The following ANAPC10 variants were observed in gnomAD, a reference collection of about 807,000 sequenced individuals.
ANAPC10 encodes anaphase-promoting complex subunit 10.
In ANAPC10, 12 loss-of-function variants were observed where a neutral mutation model predicts 22.0. The observed-to-expected ratio is 0.55, with a 90% CI of 0.35 to 0.88. The LOEUF (loss-of-function observed/expected upper bound fraction) is 0.88. Ranked by LOEUF, ANAPC10 falls within the 40% of genes least tolerant of loss-of-function variation. ANAPC10 has a pLI of 0.01. For missense variants in ANAPC10, 188 were observed against 220.9 expected (o/e 0.85, Z 0.94); for synonymous variants, 65 against 69.5 (o/e 0.94, Z 0.32).
intron 4 of ANAPC10, among the ~76,000 whole-genome samples, chr4:144,996,838 G>GA (rs1731689324): frequency 6.6e-6 from 1 of 152,014 alleles, no homozygotes; most frequent in Non-Finnish European, 1.5e-5. Flanking sequence ...TAAAAACCTT[G>GA]AAAAAAGATT....
intron 4 of ANAPC10, among the ~76,000 whole-genome samples, chr4:145,048,080 T>C (rs1472070238): frequency 6.6e-6 from 1 of 152,200 alleles, no homozygotes; most frequent in Non-Finnish European, 1.5e-5. Flanking sequence ...AGTAGGCTGC[T>C]AGAGTCGAAT....
intron 4 of ANAPC10, among the ~76,000 whole-genome samples, chr4:144,996,404 A>ATGG (rs1731616098): frequency 6.6e-6 from 1 of 152,180 alleles, no homozygotes; most frequent in Non-Finnish European, 1.5e-5. Context: ...ATCTAGAGAC[A>ATGG]CGGCTGCTGC....
chr4:145,076,155 C>T (rs576768634), intron 3 of ANAPC10, among the ~76,000 whole-genome samples: 1 of 152,348 alleles, frequency 6.6e-6, no homozygotes, highest in Admixed American at 6.5e-5. Context: ...TACATTTGCC[C>T]ACAGACTTCC....
intron 4 of ANAPC10, among the ~76,000 whole-genome samples, chr4:145,049,456 A>G (rs1740787083): frequency 1.3e-5 from 2 of 152,326 alleles, no homozygotes; most frequent in South Asian, 4.1e-4. Context: ...TTGTCATTTC[A>G]AGAATGTTCA....
intron 4 of ANAPC10, among the ~76,000 whole-genome samples, chr4:145,041,590 C>T (rs1739527958): frequency 6.6e-6 from 1 of 152,184 alleles, no homozygotes; most frequent in African/African-American, 2.4e-5. Flanking sequence ...TTGGTGCTTT[C>T]ACTTCCCCTT....
At chr4:145,063,193 T>A (rs534371660) in intron 4 of ANAPC10, among the ~76,000 whole-genome samples, 7 of 152,182 alleles carry the variant, frequency 4.6e-5, no homozygotes, top group Non-Finnish European at 1.0e-4. Context: ...GTATGTGAAG[T>A]AATGCATATG....
At chr4:144,998,508 T>C (rs569383060) in intron 4 of ANAPC10, among the ~76,000 whole-genome samples, 44 of 152,292 alleles carry the variant, frequency 2.9e-4, no homozygotes, top group Middle Eastern at 3.4e-3. Context: ...AACCTGCTCC[T>C]GAATGACTAC....
chr4:144,998,625 G>C (rs537847188), intron 4 of ANAPC10, among the ~76,000 whole-genome samples: 4 of 152,140 alleles, frequency 2.6e-5, no homozygotes, highest in Non-Finnish European at 5.9e-5. Flanking sequence ...GCAGTGTGTC[G>C]AGGGAAATTT....
At chr4:145,011,336 A>AAATAAAATAAAATAAAAT (rs1734273300) in intron 4 of ANAPC10, among the ~76,000 whole-genome samples, 2 of 130,140 alleles carry the variant, frequency 1.5e-5, no homozygotes, top group East Asian at 4.5e-4. Flanking sequence ...GACTGTCTTA[A>AAATAAAATAAAATAAAAT]AAAATAAAAT....
At chr4:145,007,412 A>G (rs550400670) in intron 4 of ANAPC10, among the ~76,000 whole-genome samples, 1 of 152,294 alleles carries the variant, frequency 6.6e-6, no homozygotes, top group South Asian at 2.1e-4. Context: ...CAGCAAATGT[A>G]AAAGAACAGA....
chr4:145,087,890 T>TA (rs1560934916), intron 2 of ANAPC10, among the ~76,000 whole-genome samples: 3 of 151,634 alleles, frequency 2.0e-5, no homozygotes, highest in Admixed American at 6.6e-5. Flanking sequence ...AAACTAAAAA[T>TA]AAAAAAAATT....
At chr4:144,999,657 T>G (rs979119898) in intron 4 of ANAPC10, among the ~76,000 whole-genome samples, 1 of 152,164 alleles carries the variant, frequency 6.6e-6, no homozygotes, top group Non-Finnish European at 1.5e-5. Context: ...AATGCTATCC[T>G]CATCAAGCTA....
chr4:145,034,753 C>T (rs570196760), intron 4 of ANAPC10, among the ~76,000 whole-genome samples: 21 of 151,818 alleles, frequency 1.4e-4, no homozygotes, highest in Admixed American at 1.2e-3. Context: ...GGAAGGAAGG[C>T]AGGCTGGGTG....
intron 4 of ANAPC10, among the ~76,000 whole-genome samples, chr4:145,057,170 TAAG>T (rs889931638): frequency 2.4e-4 from 37 of 152,172 alleles, no homozygotes; most frequent in Non-Finnish European, 7.4e-5. Context: ...AATATTATAA[TAAG>T]AAAAGATAGA....
intron 4 of ANAPC10, among the ~76,000 whole-genome samples, chr4:145,023,226 A>C (rs1403714258): frequency 6.6e-5 from 10 of 152,170 alleles, no homozygotes; most frequent in Non-Finnish European, 1.0e-4. Flanking sequence ...GTGAAAAAAA[A>C]CCAACAAATA....
At chr4:145,083,705 T>A (rs548201350) in intron 2 of ANAPC10, among the ~76,000 whole-genome samples, 2 of 152,244 alleles carry the variant, frequency 1.3e-5, no homozygotes, top group African/African-American at 4.8e-5. Context: ...AATAGAATAA[T>A]TGCACTTTTA....
chr4:145,066,579 T>TA (rs1458128059), intron 3 of ANAPC10, among the ~76,000 whole-genome samples: 1 of 152,124 alleles, frequency 6.6e-6, no homozygotes, highest in African/African-American at 2.4e-5. Flanking sequence ...CAGGTACACT[T>TA]ATTCACTGCC....
At chr4:145,013,383 T>C (rs908442579) in intron 4 of ANAPC10, among the ~76,000 whole-genome samples, 1 of 152,090 alleles carries the variant, frequency 6.6e-6, no homozygotes, top group Admixed American at 6.6e-5. Context: ...ATTTGAAAAT[T>C]AACCAATGTA....
intron 3 of ANAPC10, 175 bp downstream of exon 3, chr4:145,081,481 CAGAG>C (rs1479319029): frequency 5.3e-5 from 24 of 456,778 alleles, no homozygotes; most frequent in Non-Finnish European, 8.1e-5. Flanking sequence ...AAAAATAAGA[CAGAG>C]TAACTTTAAA....
Sources: gnomAD v4.1 joint callset for allele counts (sites outside exome capture counted in the v4.1 genomes callset) on GRCh38, gnomAD v4.1.1 for gene constraint, MANE v1.5 for transcripts, NCBI Gene and HGNC (gene_info 2026-07-23, HGNC 2026-07-21) for gene names.